Variants in STK32B observed in about 807,000 individuals in gnomAD.
STK32B encodes serine/threonine kinase 32B.
In STK32B, 43 loss-of-function variants were observed where a neutral mutation model predicts 52.6. That is an observed-to-expected ratio of 0.82 (90% CI 0.64 to 1.05). The LOEUF is 1.05. STK32B is among the 50% of genes least tolerant of loss of function. STK32B has a pLI of 0.00. For synonymous variants in STK32B, 238 were observed against 204.3 expected, an observed-to-expected ratio of 1.17 and a Z score of -1.41; for missense variants, 621 against 534.6, an observed-to-expected ratio of 1.16 and a Z score of -1.59.
chr4:5,308,693 C>G (rs78720498), intron 3 of STK32B, among the ~76,000 whole-genome samples: 10,954 of 152,142 alleles, frequency 0.072, 422 homozygotes, highest in South Asian at 0.097. Context: ...AAACCAGTGC[C>G]TAACGTGTAG....
intron 4 of STK32B, among the ~76,000 whole-genome samples, chr4:5,357,564 C>G (rs373222144): frequency 1.4e-5 from 2 of 145,554 alleles, no homozygotes; most frequent in African/African-American, 5.3e-5. Context: ...ACAAAACATT[C>G]TAAAAAAAAA....
At chr4:5,195,406 G>C (rs941252421) in intron 3 of STK32B, among the ~76,000 whole-genome samples, 1 of 152,134 alleles carries the variant, frequency 6.6e-6, no homozygotes, top group Non-Finnish European at 1.5e-5. Context: ...AAGAATATTA[G>C]AATGGGCCGG....
intron 3 of STK32B, among the ~76,000 whole-genome samples, chr4:5,211,087 G>A (rs1722878097): frequency 6.6e-6 from 1 of 152,120 alleles, no homozygotes; most frequent in Non-Finnish European, 1.5e-5. Context: ...GAGCTACCAT[G>A]CCCTACCAGA....
chr4:5,249,569 T>C lies in STK32B; in HGVS notation c.260+81119T>C, dbSNP rs187125277. On this transcript the variant is annotated intron_variant, in intron 3 of 11. Transcript: ENST00000282908. ...TTTCTTTCTTAATTATATAAGCATATGCAAGGGTTAGCAAAAACCCAAAGC... is the reference window on the plus strand; with the variant it reads ...TTTCTTTCTTAATTATATAAGCATACGCAAGGGTTAGCAAAAACCCAAAGC... Among the ~76,000 whole-genome samples the C allele has an allele frequency of 3.0e-4, 45 of 151,926 alleles. No homozygotes were observed. The East Asian group carries it at 6.6e-3, about 22-fold the overall frequency.
chr4:5,424,086 G>T (rs1467341517), intron 6 of STK32B, among the ~76,000 whole-genome samples: 1 of 152,118 alleles, frequency 6.6e-6, no homozygotes, highest in African/African-American at 2.4e-5. Context: ...TTCAGAGTGG[G>T]GTTGTGGCCA....
At chr4:5,244,343 G>T (rs1725281647) in intron 3 of STK32B, among the ~76,000 whole-genome samples, 1 of 152,138 alleles carries the variant, frequency 6.6e-6, no homozygotes, top group African/African-American at 2.4e-5. Context: ...ATTTCTTCTA[G>T]ATTTTCTAGT....
At chr4:5,105,783 T>A (rs1355624007) in intron 1 of STK32B, among the ~76,000 whole-genome samples, 1 of 151,858 alleles carries the variant, frequency 6.6e-6, no homozygotes, top group Non-Finnish European at 1.5e-5. Flanking sequence ...CAGGATGGTC[T>A]CGATCTCCTG....
intron 3 of STK32B, among the ~76,000 whole-genome samples, chr4:5,330,405 A>C (rs1284809646): frequency 2.6e-5 from 4 of 152,218 alleles, no homozygotes. Flanking sequence ...TGTTAAATGA[A>C]TTTGGTACTG....
At chr4:5,490,800 AACT>A (rs1332897081) in intron 11 of STK32B, among the ~76,000 whole-genome samples, 6 of 152,064 alleles carry the variant, frequency 3.9e-5, no homozygotes, top group Admixed American at 3.9e-4. Context: ...TTCAATTCCC[AACT>A]ACGAGTGAGA....
intron 4 of STK32B, among the ~76,000 whole-genome samples, chr4:5,391,283 C>T (rs573965083): frequency 6.1e-4 from 93 of 152,220 alleles, no homozygotes; most frequent in African/African-American, 2.1e-3. Flanking sequence ...CATATAAAGA[C>T]ACCAGTCACT....
chr4:5,500,049 G>A lies in STK32B; in HGVS notation c.*966G>A, dbSNP rs956088998. 6.6e-6 allele frequency: 1 copy of A among 152,224 alleles called. No individual in the cohort carries two copies. Among genetic ancestry groups the A allele is most frequent in the Non-Finnish European group, 1.5e-5 (1 of 68,050 alleles). 9.4% of individuals were successfully genotyped at this position (152,224 alleles called of 1,614,324 possible). On this transcript the variant is annotated 3_prime_UTR_variant, in exon 12 of 12. Coordinates refer to ENST00000282908, the MANE Select transcript of STK32B (RefSeq NM_018401.3). ...TATTTATACAATAGGAAGCATGGGTGCTTAGAAAGTTTATTTCAGGAGGAA... is the reference window on the plus strand; with the variant it reads ...TATTTATACAATAGGAAGCATGGGTACTTAGAAAGTTTATTTCAGGAGGAA...
At chr4:5,080,964 C>T (rs1441119767) in intron 1 of STK32B, among the ~76,000 whole-genome samples, 2 of 152,154 alleles carry the variant, frequency 1.3e-5, no homozygotes, top group East Asian at 1.9e-4. Flanking sequence ...TCCCCAGCCC[C>T]CAACCCGTCT....
At chr4:5,239,659 G>C (rs1318347096) in intron 3 of STK32B, among the ~76,000 whole-genome samples, 1 of 152,146 alleles carries the variant, frequency 6.6e-6, no homozygotes, top group South Asian at 2.1e-4. Flanking sequence ...AAAGTCCAGA[G>C]GCATGAGAGG....
At chr4:5,300,040 A>G (rs957498476) in intron 3 of STK32B, among the ~76,000 whole-genome samples, 6 of 152,180 alleles carry the variant, frequency 3.9e-5, no homozygotes, top group East Asian at 1.9e-4. Flanking sequence ...AATATCCTCA[A>G]TGAAGTACTA....
chr4:5,192,991 C>A (rs956933296), intron 3 of STK32B, among the ~76,000 whole-genome samples: 1 of 152,212 alleles, frequency 6.6e-6, no homozygotes, highest in Non-Finnish European at 1.5e-5. Context: ...CTTCTTCCTC[C>A]TGTCGGCAAT....
chr4:5,146,292 A>G (rs1716909243), intron 2 of STK32B, among the ~76,000 whole-genome samples: 1 of 152,114 alleles, frequency 6.6e-6, no homozygotes, highest in Non-Finnish European at 1.5e-5. Flanking sequence ...AAACCTCAAA[A>G]CTAGGGAAAC....
the STK32B span, among the ~76,000 whole-genome samples, chr4:5,029,427 G>C: frequency 1.3e-5 from 2 of 152,210 alleles, no homozygotes; most frequent in African/African-American, 4.8e-5. Flanking sequence ...ATTCAACCCA[G>C]TGTTGCTGGC....
intron 11 of STK32B, among the ~76,000 whole-genome samples, chr4:5,496,923 CAA>C (rs1444833277): frequency 6.6e-6 from 1 of 151,716 alleles, no homozygotes; most frequent in Non-Finnish European, 1.5e-5. Flanking sequence ...AAGTTTTGAA[CAA>C]AGAGGGTTTA....
At chr4:5,183,982 C>T (rs2108755976) in intron 3 of STK32B, among the ~76,000 whole-genome samples, 1 of 152,324 alleles carries the variant, frequency 6.6e-6, no homozygotes, top group South Asian at 2.1e-4. Flanking sequence ...ACCACTCAAA[C>T]TTTCTCCGTA....
Sources: gnomAD v4.1 joint callset for allele counts (sites outside exome capture counted in the v4.1 genomes callset) on GRCh38, gnomAD v4.1.1 for gene constraint, MANE v1.5 for transcripts, NCBI Gene and HGNC (gene_info 2026-07-23, HGNC 2026-07-21) for gene names.